The following MED12L variants were observed in gnomAD, a reference collection of about 807,000 sequenced individuals.
MED12L encodes the protein mediator of RNA polymerase II transcription subunit 12-like protein.
A neutral mutation model predicts 281.3 loss-of-function variants in MED12L; 60 were observed. That is an observed-to-expected ratio of 0.21 (90% confidence interval 0.17 to 0.26). MED12L has a LOEUF of 0.26. MED12L is among the 10% of genes least tolerant of loss of function. The probability of loss-of-function intolerance (pLI) is 1.00; values close to 1 mark genes in which losing one functional copy is unlikely to be tolerated. For missense variants in MED12L, 2,146 were observed against 2,680.9 expected, an observed-to-expected ratio of 0.80 and a Z score of 4.41; for synonymous variants, 974 against 987.2, an observed-to-expected ratio of 0.99 and a Z score of 0.25.
At chr3:151,100,098 G>A (rs1333395582) in intron 2 of MED12L, among the ~76,000 whole-genome samples, 1 of 152,200 alleles carries the variant, frequency 6.6e-6, no homozygotes, top group Non-Finnish European at 1.5e-5. Context: ...CCTGAGGCAG[G>A]GGATTGAGGA....
chr3:151,251,680 T>C (rs371015751), intron 16 of MED12L, among the ~76,000 whole-genome samples: 3 of 152,216 alleles, frequency 2.0e-5, no homozygotes, highest in African/African-American at 7.2e-5. Context: ...TTGTTTGAAC[T>C]CTCTGTGAAT....
At chr3:151,192,511 AAACTTACAATGTT>A (rs1559860338) in intron 14 of MED12L, 26 bp from the exon 15 acceptor site, 1 of 1,419,534 alleles carries the variant, frequency 7.0e-7, no homozygotes, top group Non-Finnish European at 9.6e-7. Flanking sequence ...ATGAACTCCA[AAACTTACAATGTT>A]ACTTTCTTTC....
At chr3:151,426,624 A>G (rs1718902671) in intron 43 of MED12L, among the ~76,000 whole-genome samples, 1 of 152,168 alleles carries the variant, frequency 6.6e-6, no homozygotes, top group Non-Finnish European at 1.5e-5. Context: ...GAATCTTTTC[A>G]TGTTCACAGA....
chr3:151,368,399 T>C (rs1755548291), intron 25 of MED12L, 148 bp downstream of exon 25: 1 of 681,964 alleles, frequency 1.5e-6, no homozygotes, highest in Non-Finnish European at 2.6e-6. Flanking sequence ...ATACTATTCA[T>C]TGAGAGGGCT....
At chr3:151,400,970 T>C (rs1715600846) in intron 39 of MED12L, among the ~76,000 whole-genome samples, 1 of 152,232 alleles carries the variant, frequency 6.6e-6, no homozygotes. Context: ...CCCTCCCTTC[T>C]TCTAAAGTGG....
chr3:151,351,679 G>C (rs777999366), intron 17 of MED12L, among the ~76,000 whole-genome samples: 1 of 152,188 alleles, frequency 6.6e-6, no homozygotes, highest in South Asian at 2.1e-4. Context: ...TGGCAATGGG[G>C]TAGGGGGGAG....
chr3:151,106,802 T>C (rs1722131782), intron 2 of MED12L, among the ~76,000 whole-genome samples: 1 of 152,246 alleles, frequency 6.6e-6, no homozygotes, highest in South Asian at 2.1e-4. Context: ...TGTCTTGAAG[T>C]CTACTATATC....
intron 5 of MED12L, among the ~76,000 whole-genome samples, chr3:151,147,203 TC>T (rs1717864504): frequency 6.6e-6 from 1 of 152,136 alleles, no homozygotes; most frequent in Non-Finnish European, 1.5e-5. Flanking sequence ...CCTCTCTGTC[TC>T]CCCCCACCTG....
chr3:151,305,205 G>T (rs1450519675), intron 16 of MED12L, among the ~76,000 whole-genome samples: 1 of 152,202 alleles, frequency 6.6e-6, no homozygotes. Flanking sequence ...AAAGGGCTTG[G>T]TTCCAGGACC....
intron 2 of MED12L, among the ~76,000 whole-genome samples, chr3:151,115,327 CTTTTTTTTTTTTTTTTTTTTTTTTT>C (rs66728754): frequency 6.6e-5 from 4 of 60,776 alleles, no homozygotes; most frequent in Non-Finnish European, 1.3e-4. Context: ...GGAAACAATT[CTTTTTTTTTTTTTTTTTTTTTTTTT>C]TTTTTTTTTT....
chr3:151,430,322 G>C lies in MED12L; in HGVS notation c.6432G>C (p.Gln2144His). Residue 2144 changes from glutamine to histidine, a missense_variant, in exon 44 of 45, where the codon CAG becomes CAC. Physicochemically the swap from Gln to His is conservative, Grantham distance 24 (BLOSUM62 0). Coordinates refer to ENST00000687756, the MANE Select transcript of MED12L (RefSeq NM_001393769.1). The stretch of plus-strand genomic sequence containing the variant: ...AGTTTCCCAGGCAAGGCTTGCAGCA[G>C]ACCCAGCAGCAGCAGCAGACGGCCG... ...QPLFPRQGLQ[Q>H]TQQQQQTAAL... is the part of the protein sequence containing the mutation. The C allele has an allele frequency of 6.2e-7, 1 of 1,614,098 alleles. No individual in the cohort carries two copies. The highest frequency in any genetic ancestry group is 8.5e-7 in the Non-Finnish European group (1 of 1,179,980).
intron 20 of MED12L, among the ~76,000 whole-genome samples, chr3:151,357,689 G>A (rs1560072297): frequency 6.6e-6 from 1 of 152,188 alleles, no homozygotes; most frequent in Non-Finnish European, 1.5e-5. Context: ...ATTATGAATA[G>A]TGAATGCTGT....
chr3:151,208,338 A>G (rs1476878078), intron 16 of MED12L, among the ~76,000 whole-genome samples: 1 of 152,204 alleles, frequency 6.6e-6, no homozygotes, highest in African/African-American at 2.4e-5. Flanking sequence ...AGTACAACAT[A>G]ACTAACAGCT....
chr3:151,325,168 C>T (rs866391898), intron 16 of MED12L, among the ~76,000 whole-genome samples: 1 of 152,240 alleles, frequency 6.6e-6, no homozygotes, highest in Middle Eastern at 3.4e-3. Context: ...ATGACTTTAT[C>T]TACCTTTTGG....
chr3:151,195,392 A>G (rs2149117137), intron 16 of MED12L, among the ~76,000 whole-genome samples: 1 of 152,178 alleles, frequency 6.6e-6, no homozygotes, highest in East Asian at 1.9e-4. Context: ...GCCATTTCAA[A>G]ACTTGTCAAA....
At chr3:151,318,029 CAA>C (rs1748511983) in intron 16 of MED12L, among the ~76,000 whole-genome samples, 1 of 151,960 alleles carries the variant, frequency 6.6e-6, no homozygotes, top group Non-Finnish European at 1.5e-5. Context: ...TACAGAAAAA[CAA>C]ATGGGTGTTT....
At chr3:151,347,263 C>G (rs1577393434) in intron 16 of MED12L, among the ~76,000 whole-genome samples, 3 of 152,240 alleles carry the variant, frequency 2.0e-5, no homozygotes, top group East Asian at 3.9e-4. Flanking sequence ...CACCTCTGCC[C>G]TATTCCTTTA....
intron 32 of MED12L, among the ~76,000 whole-genome samples, chr3:151,381,359 A>G (rs1397070855): frequency 4.6e-5 from 7 of 152,190 alleles, no homozygotes; most frequent in African/African-American, 1.4e-4. Flanking sequence ...GTCACATATT[A>G]CCTCAGTATA....
chr3:151,242,627 C>T (rs1734437370), intron 16 of MED12L, among the ~76,000 whole-genome samples: 2 of 152,190 alleles, frequency 1.3e-5, no homozygotes, highest in Non-Finnish European at 2.9e-5. Flanking sequence ...ACATCACCAT[C>T]ATCAAAGACC....
Sources: allele counts gnomAD v4.1 joint callset (sites outside exome capture counted in the v4.1 genomes callset), GRCh38; gene constraint gnomAD v4.1.1; transcripts MANE v1.5; gene names NCBI Gene and HGNC (gene_info 2026-07-23, HGNC 2026-07-21).